The following LINGO2 variants were observed in gnomAD, a reference collection of about 807,000 sequenced individuals.
LINGO2 encodes leucine-rich repeat and immunoglobulin-like domain-containing nogo receptor-interacting protein 2.
A neutral mutation model predicts 30.6 loss-of-function variants in LINGO2; 14 were observed. The observed-to-expected ratio is 0.46, with a 90% confidence interval of 0.30 to 0.72. The LOEUF is 0.72. Among genes scored for constraint, LINGO2 ranks in the 30% least tolerant of loss-of-function variants. The pLI is 0.07. For missense variants in LINGO2, 729 were observed against 751.7 expected, an observed-to-expected ratio of 0.97 and a Z score of 0.35; for synonymous variants, 317 against 288.5, an observed-to-expected ratio of 1.10 and a Z score of -1.00.
At chr9:28,772,197 C>G in the LINGO2 span, among the ~76,000 whole-genome samples, 9 of 152,176 alleles carry the variant, frequency 5.9e-5, no homozygotes, top group Admixed American at 5.2e-4. Flanking sequence ...ACATCTGTGT[C>G]TTGCAAGATT....
At chr9:28,138,492 C>T (rs578149624) in intron 4 of LINGO2, among the ~76,000 whole-genome samples, 1 of 152,192 alleles carries the variant, frequency 6.6e-6, no homozygotes, top group South Asian at 2.1e-4. Flanking sequence ...TTTGTGAGGC[C>T]ACTTTTCATA....
chr9:29,203,186 C>A, the LINGO2 span, among the ~76,000 whole-genome samples: 1,119 of 152,022 alleles, frequency 7.4e-3, 18 homozygotes, highest in African/African-American at 0.025. Flanking sequence ...TCAAAAAGTT[C>A]TTTAGAAAGA....
At chr9:28,622,464 G>A (rs974154157) in intron 1 of LINGO2, among the ~76,000 whole-genome samples, 32 of 151,762 alleles carry the variant, frequency 2.1e-4, no homozygotes, top group African/African-American at 7.5e-4. Context: ...TTCTGTGTCT[G>A]GCTTATTTCA....
At chr9:28,508,274 T>C (rs182336887) in intron 1 of LINGO2, among the ~76,000 whole-genome samples, 3 of 152,234 alleles carry the variant, frequency 2.0e-5, no homozygotes, top group African/African-American at 7.2e-5. Context: ...TAATATATCA[T>C]TGTTGACATC....
At chr9:28,836,579 G>C in the LINGO2 span, among the ~76,000 whole-genome samples, 13 of 152,206 alleles carry the variant, frequency 8.5e-5, no homozygotes, top group East Asian at 2.1e-3. Context: ...ACTTCCCAAA[G>C]TGCTGAGATT....
chr9:29,103,111 A>G, the LINGO2 span, among the ~76,000 whole-genome samples: 1 of 152,166 alleles, frequency 6.6e-6, no homozygotes, highest in Non-Finnish European at 1.5e-5. Context: ...TCAACTTTTT[A>G]TAACTACTAA....
the LINGO2 span, among the ~76,000 whole-genome samples, chr9:28,813,150 A>T: frequency 6.6e-6 from 1 of 151,750 alleles, no homozygotes; most frequent in Admixed American, 6.6e-5. Context: ...GTATTTCTTC[A>T]TATGCTGCAG....
rs938311578 is a variant in LINGO2 at position 28,179,619 on chromosome 9, T to C, written c.-87+115589A>G. Among the ~76,000 whole-genome samples, 23 of 142,376 alleles carry C rather than the reference T, an allele frequency of 1.6e-4. 1 individual carries two copies. Among genetic ancestry groups the C allele is most frequent in the Admixed American group, 3.6e-4 (5 of 13,746 alleles). The allele number at this position is 142,376 out of a possible 152,430, so 93.4% of individuals were successfully genotyped here. ...TATATACTATAGTGTATATATACTA[T>C]ATATAGTATTTTATACTATATATAC... On this transcript the variant is annotated intron_variant, in intron 4 of 5. Transcript: ENST00000379992.
At chr9:28,889,205 C>G in the LINGO2 span, among the ~76,000 whole-genome samples, 1 of 152,120 alleles carries the variant, frequency 6.6e-6, no homozygotes. Flanking sequence ...TAAATAATTT[C>G]TTGCCTTTAG....
chr9:28,857,486 T>G, the LINGO2 span, among the ~76,000 whole-genome samples: 1 of 152,024 alleles, frequency 6.6e-6, no homozygotes, highest in Non-Finnish European at 1.5e-5. Flanking sequence ...CTACAGGGAT[T>G]AAGTGGTAGA....
the LINGO2 span, among the ~76,000 whole-genome samples, chr9:29,062,721 C>A: frequency 6.6e-6 from 1 of 152,148 alleles, no homozygotes; most frequent in Admixed American, 6.6e-5. Flanking sequence ...AATGGAGTTT[C>A]AATTTGGGAA....
intron 4 of LINGO2, among the ~76,000 whole-genome samples, chr9:28,285,226 TATCATC>T (rs148814330): frequency 6.6e-6 from 1 of 151,674 alleles, no homozygotes; most frequent in Non-Finnish European, 1.5e-5. Flanking sequence ...TTATCATCGT[TATCATC>T]ATCATCATCA....
At chr9:28,037,157 T>C (rs988002306) in intron 4 of LINGO2, among the ~76,000 whole-genome samples, 1 of 152,282 alleles carries the variant, frequency 6.6e-6, no homozygotes, top group African/African-American at 2.4e-5. Context: ...TGGAATAAAA[T>C]AACCACATAA....
At chr9:28,511,080 G>A (rs1820365814) in intron 1 of LINGO2, among the ~76,000 whole-genome samples, 1 of 152,044 alleles carries the variant, frequency 6.6e-6, no homozygotes, top group Admixed American at 6.6e-5. Flanking sequence ...CGATTCAAAT[G>A]TTAATCTCCT....
the LINGO2 span, among the ~76,000 whole-genome samples, chr9:29,064,664 A>G: frequency 6.6e-6 from 1 of 152,112 alleles, no homozygotes; most frequent in Non-Finnish European, 1.5e-5. Flanking sequence ...TCTTTATTAA[A>G]TAATACATAC....
intron 2 of LINGO2, among the ~76,000 whole-genome samples, chr9:28,391,629 G>A (rs1400423412): frequency 6.7e-6 from 1 of 149,158 alleles, no homozygotes; most frequent in Non-Finnish European, 1.5e-5. Context: ...GTGTGTGTGT[G>A]TGTGATTTAA....
chr9:27,974,832 G>T (rs10968244), intron 5 of LINGO2, among the ~76,000 whole-genome samples: 9,176 of 152,208 alleles, frequency 0.06, 767 homozygotes, highest in African/African-American at 0.18. Flanking sequence ...CAGGGCAAGT[G>T]TAAGAATAAT....
chr9:27,950,681 TCTTAGTCTACAC>T, exon 6 of LINGO2: 1 of 1,501,092 alleles, frequency 6.7e-7, no homozygotes, highest in Non-Finnish European at 8.9e-7. Flanking sequence ...TGACTCCACT[TCTTAGTCTACAC>T]CTTGGTCACG....
At chr9:28,525,296 T>G (rs1188719107) in intron 1 of LINGO2, among the ~76,000 whole-genome samples, 1 of 152,136 alleles carries the variant, frequency 6.6e-6, no homozygotes, top group Non-Finnish European at 1.5e-5. Context: ...GGTTTTCAGT[T>G]TTCCAAAATG....
Sources: gnomAD v4.1 joint callset for allele counts (sites outside exome capture counted in the v4.1 genomes callset) on GRCh38, gnomAD v4.1.1 for gene constraint, MANE v1.5 for transcripts, NCBI Gene and HGNC (gene_info 2026-07-23, HGNC 2026-07-21) for gene names.